TANC1: variants seen among roughly 807,000 people sequenced by gnomAD.
TANC1 encodes tetratricopeptide repeat, ankyrin repeat and coiled-coil containing 1, also known as protein TANC1.
In TANC1, 77 loss-of-function variants were observed where a neutral mutation model predicts 149.7. That is an observed-to-expected ratio of 0.51 (90% CI 0.43 to 0.62). The LOEUF (loss-of-function observed/expected upper bound fraction) is 0.62. Ranked by LOEUF, TANC1 falls within the 20% of genes least tolerant of loss-of-function variation. The pLI, the probability that TANC1 is intolerant of heterozygous loss-of-function variation, is 0.00. For synonymous variants in TANC1, 854 were observed against 925.0 expected (o/e 0.92, Z 1.39); for missense variants, 1,985 against 2,321.8 (o/e 0.85, Z 2.98).
chr2:159,095,609 G>A (rs1353452966), intron 3 of TANC1, among the ~76,000 whole-genome samples: 11 of 151,886 alleles, frequency 7.2e-5, no homozygotes, highest in Non-Finnish European at 1.0e-4. Context: ...GGTGGCGGGC[G>A]CCTGTAATCC....
At chr2:159,115,606 G>C (rs115218342) in intron 4 of TANC1, among the ~76,000 whole-genome samples, 269 of 152,174 alleles carry the variant, frequency 1.8e-3, no homozygotes, top group African/African-American at 6.1e-3. Context: ...CTGTCCCTCG[G>C]GCACTGCCCC....
chr2:159,208,894 T>G (rs888080218), intron 19 of TANC1, among the ~76,000 whole-genome samples: 4 of 152,216 alleles, frequency 2.6e-5, no homozygotes, highest in African/African-American at 9.6e-5. Context: ...GCTCCCAGGC[T>G]CCAAGCCTGT....
At chr2:159,007,138 G>GTTTTTTTTTTTTTTTTTTTTTTTTTTT (rs70994252) in intron 2 of TANC1, among the ~76,000 whole-genome samples, 2 of 69,518 alleles carry the variant, frequency 2.9e-5, no homozygotes, top group African/African-American at 5.7e-5. Flanking sequence ...CTTTAATACT[G>GTTTTTTTTTTTTTTTTTTTTTTTTTTT]TTTTTTTTTT....
intron 3 of TANC1, among the ~76,000 whole-genome samples, chr2:159,081,842 C>T (rs1465024983): frequency 6.6e-6 from 1 of 152,212 alleles, no homozygotes. Context: ...TGGGCCAGGC[C>T]TCAGACCTTC....
At chr2:159,170,353 G>A (rs190606108) in intron 9 of TANC1, among the ~76,000 whole-genome samples, 171 bp from the exon 10 acceptor site, 1 of 152,216 alleles carries the variant, frequency 6.6e-6, no homozygotes, top group Non-Finnish European at 1.5e-5. Flanking sequence ...ATAGGGTATG[G>A]TAATTGAGGT....
intron 7 of TANC1, among the ~76,000 whole-genome samples, chr2:159,151,473 T>C (rs1219984633): frequency 1.3e-5 from 2 of 152,254 alleles, no homozygotes; most frequent in African/African-American, 2.4e-5. Context: ...ACTCCCCTTT[T>C]GCTGAGTTAT....
At chr2:159,122,847 A>G (rs1262366074) in intron 4 of TANC1, among the ~76,000 whole-genome samples, 1 of 150,578 alleles carries the variant, frequency 6.6e-6, no homozygotes, top group East Asian at 1.9e-4. Context: ...TGAGGGTTTC[A>G]GTTACTTTGC....
chr2:159,206,714 C>A (rs2058629824), intron 19 of TANC1, among the ~76,000 whole-genome samples: 1 of 152,132 alleles, frequency 6.6e-6, no homozygotes. Flanking sequence ...TATTTGGATT[C>A]TTTCTGTGTT....
chr2:159,068,169 A>G (rs1244186377), intron 3 of TANC1, among the ~76,000 whole-genome samples: 6 of 152,192 alleles, frequency 3.9e-5, no homozygotes, highest in Admixed American at 3.3e-4. Context: ...ATATCACAGG[A>G]TTGTTGGGGG....
chr2:159,207,246 C>A (rs59463151), intron 19 of TANC1, among the ~76,000 whole-genome samples: 13,000 of 152,268 alleles, frequency 0.085, 716 homozygotes, highest in South Asian at 0.22. Context: ...GAACACAATC[C>A]TTGTAAACCA....
chr2:159,013,658 CAGG>C, intron 2 of TANC1, among the ~76,000 whole-genome samples: 1 of 152,198 alleles, frequency 6.6e-6, no homozygotes, highest in Admixed American at 6.5e-5. Context: ...TGTAGATTTG[CAGG>C]AGATTTGCAG....
At chr2:159,105,380 T>G (rs919217243) in intron 4 of TANC1, among the ~76,000 whole-genome samples, 6 of 152,176 alleles carry the variant, frequency 3.9e-5, no homozygotes, top group Non-Finnish European at 7.4e-5. Context: ...GTGAAATACA[T>G]ATAACAAAAT....
chr2:159,008,510 A>T (rs1387617899), intron 2 of TANC1, among the ~76,000 whole-genome samples: 1 of 152,202 alleles, frequency 6.6e-6, no homozygotes, highest in Non-Finnish European at 1.5e-5. Context: ...AACCATAATG[A>T]TTCAACGTTC....
intron 2 of TANC1, among the ~76,000 whole-genome samples, chr2:159,018,968 T>C (rs947033773): frequency 9.2e-5 from 14 of 152,260 alleles, no homozygotes; most frequent in African/African-American, 2.9e-4. Flanking sequence ...TTATAGAGCA[T>C]TTATTTCCTA....
chr2:159,136,861 C>T (rs747753474), intron 5 of TANC1, among the ~76,000 whole-genome samples: 1 of 148,430 alleles, frequency 6.7e-6, no homozygotes, highest in Non-Finnish European at 1.5e-5. Flanking sequence ...GTATTTTATA[C>T]CTGGAAATAT....
intron 1 of TANC1, among the ~76,000 whole-genome samples, chr2:158,969,222 G>A (rs533560826): frequency 3.2e-4 from 49 of 150,948 alleles, no homozygotes; most frequent in African/African-American, 1.2e-3. Flanking sequence ...TACCTGGCGC[G>A]GGGGAGGCGG....
At chr2:159,140,840 A>G (rs2357044) in intron 5 of TANC1, among the ~76,000 whole-genome samples, 41,860 of 151,630 alleles carry the variant, frequency 0.28, 6,938 homozygotes, top group Non-Finnish European at 0.39. Context: ...ACAGGCACCC[A>G]CCGCCACACC....
intron 3 of TANC1, among the ~76,000 whole-genome samples, chr2:159,067,646 C>T (rs771519168): frequency 9.2e-5 from 14 of 152,174 alleles, no homozygotes; most frequent in Non-Finnish European, 2.1e-4. Flanking sequence ...TTATTTGCTT[C>T]TTTAGAAGCC....
chr2:159,052,879 A>C (rs1414162811), intron 2 of TANC1, among the ~76,000 whole-genome samples: 2 of 152,188 alleles, frequency 1.3e-5, no homozygotes, highest in African/African-American at 4.8e-5. Context: ...GCTGTGTCTT[A>C]TTTATGCGTT....
Sources: gnomAD v4.1 joint callset for allele counts (sites outside exome capture counted in the v4.1 genomes callset) on GRCh38, gnomAD v4.1.1 for gene constraint, MANE v1.5 for transcripts, NCBI Gene and HGNC (gene_info 2026-07-23, HGNC 2026-07-21) for gene names.